The following CPB2 variants were observed in gnomAD, a reference collection of about 807,000 sequenced individuals.
The protein encoded by CPB2 is carboxypeptidase B-like protein.
In CPB2, 54 loss-of-function variants were observed where a neutral mutation model predicts 57.0. The observed-to-expected ratio is 0.95, with a 90% confidence interval of 0.76 to 1.19. CPB2 has a LOEUF of 1.19. Ranked by LOEUF, CPB2 falls within the 50% of genes most tolerant of loss-of-function variation. The probability of loss-of-function intolerance (pLI) is 0.00; values close to 1 mark genes in which losing one functional copy is unlikely to be tolerated. For missense variants in CPB2, 426 were observed against 512.0 expected, an observed-to-expected ratio of 0.83 and a Z score of 1.62; for synonymous variants, 189 against 178.1, an observed-to-expected ratio of 1.06 and a Z score of -0.49.
At chr13:46,076,370 A>T (rs2045022204) in intron 5 of CPB2, among the ~76,000 whole-genome samples, 1 of 150,326 alleles carries the variant, frequency 6.7e-6, no homozygotes, top group African/African-American at 2.5e-5. Flanking sequence ...AAGAAAAATC[A>T]AGAAAGAAAT....
At chr13:46,080,863 T>C (rs189904240) in intron 4 of CPB2, among the ~76,000 whole-genome samples, 1 of 151,276 alleles carries the variant, frequency 6.6e-6, no homozygotes, top group Non-Finnish European at 1.5e-5. Flanking sequence ...TCCCAGCTAC[T>C]CTGGAGGCTG....
chr13:46,073,389 C>T (rs376995754), intron 6 of CPB2: 1 of 699,916 alleles, frequency 1.4e-6, no homozygotes, highest in African/African-American at 2.0e-5. Flanking sequence ...GATGCAAAAC[C>T]CTTCTTCAGG....
chr13:46,053,570 T>C lies in CPB2; in HGVS notation c.*44A>G. The C allele has an allele frequency of 6.3e-7, 1 of 1,589,168 alleles. No individual in the cohort carries two copies. Among genetic ancestry groups the C allele is most frequent in the South Asian group, 1.1e-5 (1 of 89,284 alleles). On this transcript the variant is annotated 3_prime_UTR_variant, in exon 11 of 11. Coordinates refer to ENST00000181383, the MANE Select transcript of CPB2 (RefSeq NM_001872.5). ...ATACAATGATTTGGTCTTGCTGGAA[T>C]CAGTAAATTAAAATACGGAAGCAGA...
At chr13:46,098,204 T>C (rs185975046) in intron 1 of CPB2, among the ~76,000 whole-genome samples, 70 of 152,236 alleles carry the variant, frequency 4.6e-4, no homozygotes, top group Non-Finnish European at 7.2e-4. Context: ...TCCTTGAGGA[T>C]TGAGGGTCTG....
chr13:46,095,882 T>C (rs2139420413), intron 1 of CPB2, among the ~76,000 whole-genome samples: 1 of 147,726 alleles, frequency 6.8e-6, no homozygotes, highest in South Asian at 2.2e-4. Flanking sequence ...AGGACTTTTT[T>C]TTTTTTTTTT....
intron 3 of CPB2, among the ~76,000 whole-genome samples, chr13:46,082,860 G>A (rs2045140969): frequency 6.6e-6 from 1 of 152,050 alleles, no homozygotes; most frequent in Non-Finnish European, 1.5e-5. Flanking sequence ...TCTTTTATAT[G>A]AATATATGGA....
chr13:46,103,285 G>A (rs1260255530), intron 1 of CPB2, among the ~76,000 whole-genome samples: 2 of 152,248 alleles, frequency 1.3e-5, no homozygotes, highest in African/African-American at 4.8e-5. Flanking sequence ...CCAAGGCCAT[G>A]ATTAGATCTG....
chr13:46,087,616 G>A (rs1403435477), intron 2 of CPB2, 129 bp downstream of exon 2: 8 of 660,710 alleles, frequency 1.2e-5, no homozygotes, highest in Non-Finnish European at 1.8e-5. Flanking sequence ...TTATGAGAAG[G>A]GAGAGAAGAC....
intron 2 of CPB2, 90 bp from the exon 3 acceptor site, chr13:46,084,433 T>TA: frequency 6.9e-7 from 1 of 1,438,930 alleles, no homozygotes; most frequent in Non-Finnish European, 9.5e-7. Context: ...GTTTTATCTA[T>TA]AAGGAGTATG....
chr13:46,053,903 T>A lies in CPB2; in HGVS notation c.1088-105A>T, dbSNP rs1007073753. 6 of 1,123,420 alleles carry A rather than the reference T, an allele frequency of 5.3e-6. No individual in the cohort carries two copies. In the African/African-American group the frequency reaches 9.5e-5, roughly 18 times the overall value. 69.6% of individuals were successfully genotyped at this position (1,123,420 alleles called of 1,614,324 possible). On this transcript the variant is annotated intron_variant, in intron 10 of 10. Coordinates refer to ENST00000181383, the MANE Select transcript of CPB2 (RefSeq NM_001872.5). ...TTTATTTGTTTGTATACCTTTAGAT[T>A]TTTTTCAGTTTTTAACTAATATAAA...
intron 9 of CPB2, among the ~76,000 whole-genome samples, chr13:46,056,569 A>G (rs2139342634): frequency 6.6e-6 from 1 of 152,326 alleles, no homozygotes; most frequent in Non-Finnish European, 1.5e-5. Context: ...TCATTGTTCA[A>G]AAAATAAGTT....
chr13:46,072,354 C>T (rs2044955463), intron 6 of CPB2, among the ~76,000 whole-genome samples: 1 of 152,120 alleles, frequency 6.6e-6, no homozygotes, highest in South Asian at 2.1e-4. Flanking sequence ...TACTTTCCCT[C>T]CTCCAGTGCT....
intron 8 of CPB2, among the ~76,000 whole-genome samples, chr13:46,060,132 A>C (rs1489502579): frequency 6.6e-6 from 1 of 152,184 alleles, no homozygotes; most frequent in East Asian, 1.9e-4. Flanking sequence ...TGCAAGTCAC[A>C]TATTTACTTT....
At chr13:46,062,768 G>GA (rs2044793965) in intron 8 of CPB2, among the ~76,000 whole-genome samples, 1 of 152,092 alleles carries the variant, frequency 6.6e-6, no homozygotes, top group African/African-American at 2.4e-5. Flanking sequence ...CCTAGACAGG[G>GA]AAAAAAATAA....
At chr13:46,101,047 C>T (rs146781857) in intron 1 of CPB2, 40 of 152,158 alleles carry the variant, frequency 2.6e-4, no homozygotes, top group African/African-American at 8.9e-4. Flanking sequence ...TAACTTGAGT[C>T]GCTACATAAC....
At chr13:46,086,315 A>G (rs1004612254) in intron 2 of CPB2, among the ~76,000 whole-genome samples, 2 of 152,114 alleles carry the variant, frequency 1.3e-5, no homozygotes, top group Non-Finnish European at 2.9e-5. Flanking sequence ...GCCCGGGAAC[A>G]ATGACGTACG....
intron 4 of CPB2, among the ~76,000 whole-genome samples, chr13:46,081,872 C>T (rs2045123332): frequency 6.6e-6 from 1 of 152,196 alleles, no homozygotes; most frequent in Non-Finnish European, 1.5e-5. Context: ...TGCACATCAA[C>T]ATCTTACTCA....
At chr13:46,070,990 C>T (rs1160723956) in intron 6 of CPB2, among the ~76,000 whole-genome samples, 2 of 152,078 alleles carry the variant, frequency 1.3e-5, no homozygotes, top group Non-Finnish European at 2.9e-5. Flanking sequence ...CTGGTCTCTG[C>T]CTTCAGAAAG....
intron 1 of CPB2, among the ~76,000 whole-genome samples, chr13:46,101,634 T>C (rs958874475): frequency 2.6e-5 from 4 of 152,096 alleles, no homozygotes; most frequent in African/African-American, 9.7e-5. Context: ...ACTTACACAA[T>C]AACCACTTGA....
Sources: gnomAD v4.1 joint callset for allele counts (sites outside exome capture counted in the v4.1 genomes callset) on GRCh38, gnomAD v4.1.1 for gene constraint, MANE v1.5 for transcripts, NCBI Gene and HGNC (gene_info 2026-07-23, HGNC 2026-07-21) for gene names.